TNKS2: variants seen among roughly 807,000 people sequenced by gnomAD.
The protein encoded by TNKS2 is poly [ADP-ribose] polymerase tankyrase-2.
A neutral mutation model predicts 137.6 loss-of-function variants in TNKS2; 72 were observed. The observed-to-expected ratio is 0.52, with a 90% confidence interval of 0.43 to 0.64. The LOEUF is 0.64. Ranked by LOEUF, TNKS2 falls within the 30% of genes least tolerant of loss-of-function variation. TNKS2 has a pLI of 0.00. For missense variants in TNKS2, 1,049 were observed against 1,410.2 expected (o/e 0.74, Z 4.10); for synonymous variants, 516 against 512.1 (o/e 1.01, Z -0.10).
intron 18 of TNKS2, among the ~76,000 whole-genome samples, chr10:91,846,157 A>G (rs1842364116): frequency 6.6e-6 from 1 of 152,222 alleles, no homozygotes; most frequent in African/African-American, 2.4e-5. Flanking sequence ...GTTATTATAT[A>G]CTGAGTATTT....
intron 11 of TNKS2, among the ~76,000 whole-genome samples, chr10:91,831,580 T>C (rs1424969702): frequency 6.6e-6 from 1 of 152,204 alleles, no homozygotes; most frequent in African/African-American, 2.4e-5. Context: ...CTTATTTCTG[T>C]AACTAAGCCA....
intron 2 of TNKS2, among the ~76,000 whole-genome samples, chr10:91,816,404 T>C (rs537931436): frequency 1.3e-5 from 2 of 152,282 alleles, no homozygotes; most frequent in East Asian, 3.9e-4. Context: ...TATATATCCC[T>C]CAGTTAAGAT....
At chr10:91,853,509 A>G (rs1842615327) in intron 21 of TNKS2, among the ~76,000 whole-genome samples, 1 of 152,210 alleles carries the variant, frequency 6.6e-6, no homozygotes, top group African/African-American at 2.4e-5. Context: ...CTGATTTGCA[A>G]AGTGGAACTG....
At chr10:91,862,809 C>A (rs1394013183) in intron 26 of TNKS2, 128 bp from the exon 27 acceptor site, 3 of 613,640 alleles carry the variant, frequency 4.9e-6, no homozygotes, top group Non-Finnish European at 8.6e-6. Flanking sequence ...AGAAAATGTC[C>A]CTAGATGATT....
chr10:91,862,857 A>C, intron 26 of TNKS2, 80 bp from the exon 27 acceptor site: 2 of 973,490 alleles, frequency 2.1e-6, no homozygotes, highest in Non-Finnish European at 3.2e-6. Context: ...CCTCCCTAAG[A>C]TTAGGAATAC....
chr10:91,807,311 T>C lies in TNKS2; in HGVS notation c.200-5672T>C, dbSNP rs1589643376. On this transcript the variant is annotated intron_variant, in intron 1 of 26. Transcript: ENST00000371627. ...TATACACCAAACAAACTAAATCATC[T>C]GTTACTTTAACACACAAGTTCCCAT... The C allele has an allele frequency of 3.1e-6, 5 of 1,614,058 alleles. No individual in the cohort carries two copies. The East Asian group carries it at 8.9e-5, about 29-fold the overall frequency.
chr10:91,812,692 T>A, intron 1 of TNKS2: 1 of 820,906 alleles, frequency 1.2e-6, no homozygotes, highest in Non-Finnish European at 1.5e-6. Flanking sequence ...GAGAAACATT[T>A]GAACTTTGAG....
At chr10:91,836,721 G>A (rs1430285758) in intron 12 of TNKS2, 198 bp from the exon 13 acceptor site, 1 of 985,148 alleles carries the variant, frequency 1.0e-6, no homozygotes, top group Admixed American at 6.2e-5. Flanking sequence ...TTGCTTATAT[G>A]TGTTGTATTT....
chr10:91,848,419 C>A lies in TNKS2; in HGVS notation c.2395C>A (p.Pro799Thr), dbSNP rs930349919. The change falls in exon 19 of 27, where the codon CCC becomes ACC. Residue 799 changes from proline (P) to threonine (T), a missense_variant. By Grantham distance (38) the Pro-to-Thr change is conservative. This residue lies in a region of TNKS2 where 208 missense variants were observed against 231.2 expected (regional missense o/e 0.90). Coordinates refer to ENST00000371627, the MANE Select transcript of TNKS2 (RefSeq NM_025235.4). ...DVSALLTAAMPPSALPSCYKP... is the reference protein window; with the variant it reads ...DVSALLTAAMTPSALPSCYKP... Reference sequence around the variant, plus strand: ...CAGCGCTCTTCTGACAGCAGCCATGCCCCCATCTGCTCTGCCCTCTTGTTA... The same window carrying A: ...CAGCGCTCTTCTGACAGCAGCCATGACCCCATCTGCTCTGCCCTCTTGTTA... 4 of 1,614,104 alleles carry A rather than the reference C, an allele frequency of 2.5e-6. No individual in the cohort carries two copies. In the Admixed American group the frequency reaches 6.7e-5, roughly 27 times the overall value.
intron 14 of TNKS2, among the ~76,000 whole-genome samples, 173 bp from the exon 15 acceptor site, chr10:91,841,110 C>T (rs1056124220): frequency 2.0e-5 from 3 of 152,054 alleles, no homozygotes; most frequent in Non-Finnish European, 4.4e-5. Flanking sequence ...TAAATGTTCT[C>T]CCCTGACTCA....
chr10:91,813,443 A>G (rs1237360416), intron 2 of TNKS2, among the ~76,000 whole-genome samples: 1 of 152,264 alleles, frequency 6.6e-6, no homozygotes, highest in East Asian at 1.9e-4. Flanking sequence ...CTTGGGAGAG[A>G]AAATATACAA....
intron 3 of TNKS2, 24 bp from the exon 4 acceptor site, chr10:91,819,246 C>CTTTTTT: frequency 1.8e-6 from 2 of 1,107,286 alleles, no homozygotes; most frequent in Non-Finnish European, 2.4e-6. Context: ...AATTTCTATA[C>CTTTTTT]TTTTTTTTTT....
chr10:91,798,955 C>T (rs1332814760), intron 1 of TNKS2, 66 bp downstream of exon 1: 2 of 1,295,034 alleles, frequency 1.5e-6, no homozygotes, highest in Non-Finnish European at 2.0e-6. Context: ...GCCCACAGGT[C>T]TGAAACCAGT....
chr10:91,831,021 A>T lies in TNKS2; in HGVS notation c.1196+7A>T, dbSNP rs74151748. 1,233 of 1,612,380 alleles carry T rather than the reference A, an allele frequency of 7.6e-4. 8 individuals carry two copies. In the African/African-American group the frequency reaches 0.012, roughly 16 times the overall value. ...TCAATGAAAAGACTAAAGAGTAAGT[A>T]TACATTTAATGATTAAATATCATTG... On this transcript the variant is annotated splice_region_variant and intron_variant, in intron 10 of 26. Coordinates refer to ENST00000371627, the MANE Select transcript of TNKS2 (RefSeq NM_025235.4).
chr10:91,807,338 A>G, intron 1 of TNKS2: 1 of 1,614,120 alleles, frequency 6.2e-7, no homozygotes, highest in Non-Finnish European at 8.5e-7. Flanking sequence ...AGTTCCCATC[A>G]GAATGCCTAT....
chr10:91,821,077 G>T (rs561974963), intron 6 of TNKS2, among the ~76,000 whole-genome samples: 1 of 151,762 alleles, frequency 6.6e-6, no homozygotes, highest in African/African-American at 2.4e-5. Flanking sequence ...TTGCTCTGTC[G>T]CCCAGGCTGG....
chr10:91,851,367 T>C, intron 21 of TNKS2, 31 bp downstream of exon 21: 1 of 1,603,876 alleles, frequency 6.2e-7, no homozygotes, highest in Non-Finnish European at 8.5e-7. Context: ...CTGTTGTCAG[T>C]TTAACAGTTT....
At chr10:91,805,359 G>A (rs930314670) in intron 1 of TNKS2, among the ~76,000 whole-genome samples, 2 of 152,208 alleles carry the variant, frequency 1.3e-5, no homozygotes, top group Non-Finnish European at 2.9e-5. Context: ...CATTGACACA[G>A]AAGTCTGTGT....
intron 1 of TNKS2, among the ~76,000 whole-genome samples, chr10:91,805,103 G>C (rs1003041246): frequency 9.0e-6 from 1 of 110,734 alleles, no homozygotes; most frequent in African/African-American, 4.0e-5. Context: ...CAAACTCCAA[G>C]CAACTTTTTT....
Sources: gnomAD v4.1 joint callset for allele counts (sites outside exome capture counted in the v4.1 genomes callset) on GRCh38, gnomAD v4.1.1 for gene constraint, gnomAD v4.1.1 regional missense constraint, MANE v1.5 for transcripts, NCBI Gene and HGNC (gene_info 2026-07-23, HGNC 2026-07-21) for gene names.